The following TAFA1 variants were observed in gnomAD, a reference collection of about 807,000 sequenced individuals.
TAFA1 encodes TAFA chemokine like family member 1, also known as chemokine-like protein TAFA-1.
Under a neutral mutation model 18.5 loss-of-function variants are expected in TAFA1, and 4 were observed. That is an observed-to-expected ratio of 0.22 (90% CI 0.11 to 0.49). TAFA1 has a LOEUF of 0.49. Among genes scored for constraint, TAFA1 ranks in the 20% least tolerant of loss-of-function variants. The pLI is 0.98. For synonymous variants in TAFA1, 56 were observed against 55.2 expected (o/e 1.01, Z -0.06); for missense variants, 147 against 169.0 (o/e 0.87, Z 0.72).
chr3:68,250,280 T>C (rs550842303), intron 2 of TAFA1, among the ~76,000 whole-genome samples: 56 of 152,334 alleles, frequency 3.7e-4, no homozygotes, highest in African/African-American at 1.2e-3. Context: ...CTGTTATTAC[T>C]GTTTACGCAT....
At chr3:68,447,708 C>G (rs2071495128) in intron 3 of TAFA1, among the ~76,000 whole-genome samples, 1 of 152,168 alleles carries the variant, frequency 6.6e-6, no homozygotes, top group Non-Finnish European at 1.5e-5. Context: ...TGAATAATGC[C>G]AAGGCTGGCA....
intron 2 of TAFA1, among the ~76,000 whole-genome samples, chr3:68,256,575 G>A (rs905663660): frequency 7.2e-5 from 11 of 152,082 alleles, no homozygotes; most frequent in Admixed American, 1.3e-4. Flanking sequence ...AAAGAATTCC[G>A]TCTGTAAAAT....
chr3:68,331,673 A>G (rs1039090553), intron 2 of TAFA1, among the ~76,000 whole-genome samples: 1 of 152,094 alleles, frequency 6.6e-6, no homozygotes, highest in African/African-American at 2.4e-5. Flanking sequence ...AATCTTGAGC[A>G]AGAACAACAG....
At chr3:68,099,431 A>G (rs1318477496) in intron 2 of TAFA1, among the ~76,000 whole-genome samples, 1 of 152,210 alleles carries the variant, frequency 6.6e-6, no homozygotes, top group Non-Finnish European at 1.5e-5. Flanking sequence ...CGTCAGAGAA[A>G]TGTGAATCAA....
intron 2 of TAFA1, among the ~76,000 whole-genome samples, chr3:68,046,304 T>C (rs996350048): frequency 2.6e-5 from 4 of 152,310 alleles, no homozygotes; most frequent in Non-Finnish European, 2.9e-5. Flanking sequence ...ACTCTGATTG[T>C]AGGAGTATAA....
chr3:68,192,762 A>G (rs2066358677), intron 2 of TAFA1, among the ~76,000 whole-genome samples: 1 of 151,842 alleles, frequency 6.6e-6, no homozygotes, highest in Non-Finnish European at 1.5e-5. Context: ...AATAAAAGGG[A>G]CACTCCAAGC....
chr3:68,447,614 T>A (rs2221758), intron 3 of TAFA1, among the ~76,000 whole-genome samples: 3,664 of 152,304 alleles, frequency 0.024, 70 homozygotes, highest in East Asian at 0.094. Flanking sequence ...TGGGTGTGGA[T>A]GGTAGTTGAA....
chr3:68,362,271 TA>T (rs1276919349), intron 2 of TAFA1, among the ~76,000 whole-genome samples: 3 of 152,146 alleles, frequency 2.0e-5, no homozygotes, highest in Non-Finnish European at 4.4e-5. Context: ...GCACAAGCCA[TA>T]ATCGGAGTCT....
intron 2 of TAFA1, among the ~76,000 whole-genome samples, chr3:68,029,865 C>T (rs760975401): frequency 6.6e-6 from 1 of 152,144 alleles, no homozygotes; most frequent in East Asian, 1.9e-4. Context: ...ACATTAGTTT[C>T]GTTACCTTGC....
In TAFA1 at chr3:68,331,637, AC is replaced by A. The variant is rs146845326; in HGVS notation, c.119-85642del. 2.5e-3 allele frequency among the ~76,000 whole-genome samples: 388 copies of A among 152,298 alleles called. 2 individuals carry two copies. The highest frequency in any genetic ancestry group is 9.0e-3 in the African/African-American group (375 of 41,572). On this transcript the variant is annotated intron_variant, in intron 2 of 4. Transcript: ENST00000478136. ...AAATTTGTGTGACTTGCATAGAATC[AC>A]AAAAAGACTCTGAATAGCTAAAGCA...
intron 2 of TAFA1, among the ~76,000 whole-genome samples, chr3:68,158,697 T>C (rs2065892333): frequency 6.6e-6 from 1 of 152,166 alleles, no homozygotes; most frequent in Non-Finnish European, 1.5e-5. Flanking sequence ...AGGCCTCACT[T>C]TGTGATGACC....
chr3:68,228,832 G>A (rs1000924458), intron 2 of TAFA1, among the ~76,000 whole-genome samples: 1 of 152,186 alleles, frequency 6.6e-6, no homozygotes, highest in Non-Finnish European at 1.5e-5. Flanking sequence ...GATGAGAATG[G>A]CACCCTTCCT....
chr3:68,238,076 T>A (rs2066951919), intron 2 of TAFA1, among the ~76,000 whole-genome samples: 1 of 152,110 alleles, frequency 6.6e-6, no homozygotes, highest in Admixed American at 6.6e-5. Context: ...CGTTCACTGG[T>A]CACTTTATGG....
chr3:68,090,729 C>T (rs2065020983), intron 2 of TAFA1, among the ~76,000 whole-genome samples: 1 of 152,154 alleles, frequency 6.6e-6, no homozygotes, highest in East Asian at 1.9e-4. Context: ...CTCAAAGAGG[C>T]TGGATGCCTT....
intron 2 of TAFA1, among the ~76,000 whole-genome samples, chr3:68,166,148 G>C (rs58003274): frequency 6.6e-6 from 1 of 152,164 alleles, no homozygotes; most frequent in Admixed American, 6.5e-5. Context: ...GCCAGAGATC[G>C]GAGACTGAAC....
intron 2 of TAFA1, among the ~76,000 whole-genome samples, chr3:68,382,442 G>A (rs2069989437): frequency 6.6e-6 from 1 of 152,026 alleles, no homozygotes; most frequent in African/African-American, 2.4e-5. Context: ...CTTATGGTTA[G>A]CCAGTTATCC....
intron 3 of TAFA1, among the ~76,000 whole-genome samples, chr3:68,440,211 G>C (rs1421426129): frequency 6.6e-6 from 1 of 152,092 alleles, no homozygotes; most frequent in Non-Finnish European, 1.5e-5. Flanking sequence ...AAGTTTCCCT[G>C]CACGAACTCT....
At chr3:67,995,151 A>C in the TAFA1 span, among the ~76,000 whole-genome samples, 1 of 152,228 alleles carries the variant, frequency 6.6e-6, no homozygotes, top group African/African-American at 2.4e-5. Context: ...CTAACCTTAA[A>C]TCTGTTAAAC....
intron 3 of TAFA1, among the ~76,000 whole-genome samples, chr3:68,529,806 C>G (rs867825307): frequency 6.6e-6 from 1 of 152,172 alleles, no homozygotes; most frequent in Non-Finnish European, 1.5e-5. Context: ...GGGGAATTGA[C>G]CTGTTCATGA....
Sources: gnomAD v4.1 joint callset for allele counts (sites outside exome capture counted in the v4.1 genomes callset) on GRCh38, gnomAD v4.1.1 for gene constraint, MANE v1.5 for transcripts, NCBI Gene and HGNC (gene_info 2026-07-23, HGNC 2026-07-21) for gene names.